ANO5: variants seen among roughly 807,000 people sequenced by gnomAD.
ANO5 encodes anoctamin-5.
A neutral mutation model predicts 121.0 loss-of-function variants in ANO5; 109 were observed. The observed-to-expected ratio is 0.90, with a 90% CI of 0.77 to 1.06. The LOEUF is 1.06. ANO5 is among the 50% of genes least tolerant of loss of function. ANO5 has a pLI of 0.00. For synonymous variants in ANO5, 406 were observed against 359.9 expected (o/e 1.13, Z -1.45); for missense variants, 1,064 against 1,078.5 (o/e 0.99, Z 0.19).
chr11:22,197,527 T>C (rs973302708), intron 1 of ANO5, among the ~76,000 whole-genome samples: 4 of 152,152 alleles, frequency 2.6e-5, no homozygotes, highest in African/African-American at 9.7e-5. Flanking sequence ...ACTTGAACGT[T>C]AGGTTGTTTG....
intron 1 of ANO5, among the ~76,000 whole-genome samples, chr11:22,199,458 A>G (rs1023875220): frequency 6.6e-6 from 1 of 152,170 alleles, no homozygotes; most frequent in South Asian, 2.1e-4. Flanking sequence ...TTAGCAAAGA[A>G]GGAGGAGGAG....
At chr11:22,245,962 A>G (rs1388689367) in intron 9 of ANO5, among the ~76,000 whole-genome samples, 3 of 152,116 alleles carry the variant, frequency 2.0e-5, no homozygotes. Flanking sequence ...AATGGGAGTG[A>G]GGGAGAATCT....
intron 3 of ANO5, among the ~76,000 whole-genome samples, chr11:22,216,767 A>G (rs1852459789): frequency 6.6e-6 from 1 of 151,768 alleles, no homozygotes; most frequent in Admixed American, 6.6e-5. Context: ...TGCCTACACC[A>G]AAGTAGGGGA....
At chr11:22,215,566 T>C (rs1324663234) in intron 3 of ANO5, among the ~76,000 whole-genome samples, 2 of 151,976 alleles carry the variant, frequency 1.3e-5, no homozygotes, top group Non-Finnish European at 2.9e-5. Flanking sequence ...AAGATTAATA[T>C]GTCCAAAATG....
At position 22,269,404 on chromosome 11, in the gene ANO5, G is replaced by GAA. The variant is rs374535843; in HGVS notation, c.1899-902_1899-901dup. Among the ~76,000 whole-genome samples, 1,024 of 131,600 alleles carry GAA rather than the reference G, an allele frequency of 7.8e-3. 33 individuals are homozygous for GAA. The highest frequency in any genetic ancestry group is 0.029 in the African/African-American group (968 of 33,894). The allele number at this position is 131,600 out of a possible 152,430, so 86.3% of individuals were successfully genotyped here. A position where few individuals can be genotyped will look rare whatever the true frequency, so the allele number is the denominator to read the frequency against. ...AAAGAAGAAAGGAAGGAAGGAAGGAGAAAAAAAGAGAAGGAAAAGAGAAGG... is the reference window on the plus strand; with the variant it reads ...AAAGAAGAAAGGAAGGAAGGAAGGAGAAAAAAAAAGAGAAGGAAAAGAGAAGG... On this transcript the variant is annotated intron_variant, in intron 17 of 21. Coordinates refer to ENST00000324559, the MANE Select transcript of ANO5 (RefSeq NM_213599.3).
At chr11:22,238,896 ATATT>A (rs376194226) in intron 8 of ANO5, among the ~76,000 whole-genome samples, 35 of 152,190 alleles carry the variant, frequency 2.3e-4, no homozygotes, top group African/African-American at 7.7e-4. Flanking sequence ...TTTAAACTGG[ATATT>A]TATTCAGTGC....
chr11:22,244,626 T>G (rs1440740253), intron 9 of ANO5, among the ~76,000 whole-genome samples: 3 of 151,272 alleles, frequency 2.0e-5, no homozygotes, highest in South Asian at 4.2e-4. Flanking sequence ...TTTGAAGAAC[T>G]GGTTTTTGAG....
At chr11:22,250,632 C>G (rs2133703525) in intron 10 of ANO5, 109 bp from the exon 11 acceptor site, 1 of 1,180,572 alleles carries the variant, frequency 8.5e-7, no homozygotes, top group South Asian at 1.3e-5. Context: ...CTTGATTGCC[C>G]CTTCTGTTAT....
At chr11:22,226,604 T>C (rs1400942548) in intron 6 of ANO5, among the ~76,000 whole-genome samples, 1 of 152,072 alleles carries the variant, frequency 6.6e-6, no homozygotes, top group Non-Finnish European at 1.5e-5. Context: ...ATGGTGCCTG[T>C]AGTCCAGCTA....
intron 21 of ANO5, chr11:22,277,985 A>C (rs1854929831): frequency 6.6e-6 from 1 of 151,596 alleles, no homozygotes; most frequent in Non-Finnish European, 1.5e-5. Context: ...TTCTTTCCTT[A>C]CATGTGATTA....
At chr11:22,237,462 C>G (rs2133654207) in intron 8 of ANO5, among the ~76,000 whole-genome samples, 2 of 152,220 alleles carry the variant, frequency 1.3e-5, no homozygotes, top group Middle Eastern at 6.8e-3. Flanking sequence ...GCAATCTTGG[C>G]TCACTGCAGC....
chr11:22,205,055 T>C (rs1048996495), intron 2 of ANO5, among the ~76,000 whole-genome samples: 3 of 152,080 alleles, frequency 2.0e-5, no homozygotes, highest in African/African-American at 7.2e-5. Context: ...GAAACATGGA[T>C]GGAGTTGGAG....
chr11:22,270,563 A>G, intron 18 of ANO5, 121 bp downstream of exon 18: 1 of 1,439,238 alleles, frequency 6.9e-7, no homozygotes, highest in Non-Finnish European at 9.6e-7. Flanking sequence ...CTGGTTGGCA[A>G]AAAAGATGAG....
intron 1 of ANO5, among the ~76,000 whole-genome samples, chr11:22,196,894 T>C (rs1248868326): frequency 2.0e-5 from 3 of 151,610 alleles, no homozygotes; most frequent in Non-Finnish European, 4.4e-5. Flanking sequence ...AAAATAAAAA[T>C]AAAATAAACG....
At position 22,259,608 on chromosome 11, in the gene ANO5, A is replaced by G. The variant is rs886042923; in HGVS notation, c.1497A>G (p.Ala499=). The G allele has an allele frequency of 7.4e-6, 12 of 1,614,110 alleles. No homozygotes were observed. Among genetic ancestry groups the G allele is most frequent in the Non-Finnish European group, 1.0e-5 (12 of 1,179,994 alleles). Residue 499 remains alanine (A), a synonymous_variant, in exon 15 of 22, where the codon GCA becomes GCG. Transcript: ENST00000324559. ...ATFASFMESD[A]SLKQVKSFLT... ...TTGCTAGTTTCATGGAAAGTGATGC[A>G]TCCTTAAAGCAGGTCAAAAGCTTCC...
At chr11:22,241,543 C>T (rs1279236577) in intron 9 of ANO5, among the ~76,000 whole-genome samples, 1 of 152,054 alleles carries the variant, frequency 6.6e-6, no homozygotes. Flanking sequence ...TCTCCCAAAT[C>T]TCACCACCAT....
At chr11:22,264,929 A>C (rs1182767556) in intron 17 of ANO5, among the ~76,000 whole-genome samples, 2 of 152,156 alleles carry the variant, frequency 1.3e-5, no homozygotes, top group Admixed American at 6.5e-5. Context: ...AGTGTAACAA[A>C]TATATGACAT....
At chr11:22,229,385 G>A (rs1369206754) in intron 7 of ANO5, among the ~76,000 whole-genome samples, 1 of 151,708 alleles carries the variant, frequency 6.6e-6, no homozygotes, top group Non-Finnish European at 1.5e-5. Context: ...TTCAGGATAT[G>A]AATCCACAAA....
At chr11:22,208,360 A>G (rs1483143390) in intron 2 of ANO5, among the ~76,000 whole-genome samples, 1 of 152,068 alleles carries the variant, frequency 6.6e-6, no homozygotes, top group Admixed American at 6.6e-5. Context: ...AAAAAGGAAC[A>G]AACTATTAAT....
Sources: allele counts gnomAD v4.1 joint callset (sites outside exome capture counted in the v4.1 genomes callset), GRCh38; gene constraint gnomAD v4.1.1; transcripts MANE v1.5; gene names NCBI Gene and HGNC (gene_info 2026-07-23, HGNC 2026-07-21).